The following NLGN1 variants were observed in gnomAD, a reference collection of about 807,000 sequenced individuals.
NLGN1 encodes neuroligin-1.
Under a neutral mutation model 65.5 loss-of-function variants are expected in NLGN1, and 12 were observed. That is an observed-to-expected ratio of 0.18 (90% CI 0.12 to 0.30). NLGN1 has a LOEUF of 0.30. NLGN1 is among the 10% of genes least tolerant of loss of function. The pLI is 1.00. For synonymous variants in NLGN1, 350 were observed against 359.5 expected, an observed-to-expected ratio of 0.97 and a Z score of 0.30; for missense variants, 750 against 1,007.1, an observed-to-expected ratio of 0.74 and a Z score of 3.46.
intron 3 of NLGN1, among the ~76,000 whole-genome samples, chr3:173,642,040 T>C (rs1255788694): frequency 6.7e-6 from 1 of 150,192 alleles, no homozygotes; most frequent in Non-Finnish European, 1.5e-5. Context: ...CTCTCTCTCT[T>C]TCTCCATATA....
At chr3:173,420,945 A>G (rs1714924486) in intron 1 of NLGN1, among the ~76,000 whole-genome samples, 1 of 152,042 alleles carries the variant, frequency 6.6e-6, no homozygotes, top group Admixed American at 6.6e-5. Flanking sequence ...TTTATTGTAT[A>G]TTTCTAATAC....
intron 4 of NLGN1, among the ~76,000 whole-genome samples, chr3:174,266,553 T>C (rs1476986176): frequency 2.0e-5 from 3 of 152,216 alleles, no homozygotes; most frequent in African/African-American, 7.2e-5. Flanking sequence ...AAACTATTTA[T>C]ATTCCTTTGA....
chr3:174,196,349 A>G (rs934208193), intron 4 of NLGN1, among the ~76,000 whole-genome samples: 12 of 152,240 alleles, frequency 7.9e-5, no homozygotes, highest in Admixed American at 2.0e-4. Context: ...CTGAAGATCA[A>G]ATTTCCCAAG....
chr3:173,918,464 A>G (rs7430256), intron 4 of NLGN1, among the ~76,000 whole-genome samples: 38,203 of 151,546 alleles, frequency 0.25, 5,031 homozygotes, highest in East Asian at 0.34. Context: ...GTGAAACTCT[A>G]TCTACTAAAA....
At chr3:173,964,458 G>A (rs1364204196) in intron 4 of NLGN1, among the ~76,000 whole-genome samples, 2 of 152,160 alleles carry the variant, frequency 1.3e-5, no homozygotes, top group Non-Finnish European at 2.9e-5. Context: ...GGCAAGACCG[G>A]GATTTTGTTC....
At position 174,265,880 on chromosome 3, in the gene NLGN1, A is replaced by G. The variant is rs371188098; in HGVS notation, c.647-9435A>G. Among the ~76,000 whole-genome samples, 29 of 144,400 alleles carry G rather than the reference A, an allele frequency of 2.0e-4. No homozygotes were observed. The East Asian group carries it at 4.9e-3, about 25-fold the overall frequency. The allele number at this position is 144,400 out of a possible 152,430, so 94.7% of individuals were successfully genotyped here. A position where few individuals can be genotyped will look rare whatever the true frequency, so the allele number is the denominator to read the frequency against. On this transcript the variant is annotated intron_variant, in intron 4 of 6. Coordinates refer to ENST00000457714, the Ensembl canonical transcript of NLGN1. Reference sequence around the variant, plus strand: ...GGTAAAGAGTATTTTGTTATAATATATATATACGTATATATGTATATATGT... The same window carrying G: ...GGTAAAGAGTATTTTGTTATAATATGTATATACGTATATATGTATATATGT...
upstream of NLGN1, among the ~76,000 whole-genome samples, chr3:173,397,411 A>T (rs1037437135): frequency 2.6e-5 from 4 of 151,250 alleles, no homozygotes; most frequent in African/African-American, 9.7e-5. Flanking sequence ...GAGATGTGGG[A>T]ACTTCCCCTC....
At chr3:173,614,355 T>C (rs896375308) in intron 3 of NLGN1, among the ~76,000 whole-genome samples, 3 of 152,038 alleles carry the variant, frequency 2.0e-5, no homozygotes, top group African/African-American at 7.2e-5. Context: ...ATTAAAAATA[T>C]ATATGTGCTT....
rs116780300 is a variant in NLGN1, at chr3:174,189,821, C to T, written c.647-85494C>T. The stretch of plus-strand genomic sequence containing the variant: ...CTGTTTGGCCAGGATAAAACAGCAA[C>T]AGTATAAAAATTGATGTTGCAAAAC... On this transcript the variant is annotated intron_variant, in intron 4 of 6. Transcript: ENST00000457714. Among the ~76,000 whole-genome samples the T allele has an allele frequency of 7.0e-3, 1,068 of 151,986 alleles. 11 individuals are homozygous for T. The highest frequency in any genetic ancestry group is 0.023 in the African/African-American group (950 of 41,490).
At chr3:174,001,102 G>C (rs1251101316) in intron 4 of NLGN1, among the ~76,000 whole-genome samples, 4 of 152,124 alleles carry the variant, frequency 2.6e-5, no homozygotes, top group African/African-American at 9.7e-5. Flanking sequence ...ATCAGCAAAA[G>C]ACTTTTGAAA....
intron 4 of NLGN1, among the ~76,000 whole-genome samples, chr3:174,147,353 T>C (rs2152698282): frequency 6.6e-6 from 1 of 151,096 alleles, no homozygotes; most frequent in East Asian, 2.0e-4. Flanking sequence ...GTAGGTCCAT[T>C]GTTGCCAGTG....
In NLGN1 at chr3:173,571,200, C is replaced by T. The variant is rs371972571; in HGVS notation, c.-320-33079C>T. 1.1e-4 allele frequency among the ~76,000 whole-genome samples: 17 copies of T among 152,248 alleles called. 1 individual carries two copies. Among genetic ancestry groups the T allele is most frequent in the Admixed American group, 2.0e-4 (3 of 15,290 alleles). On this transcript the variant is annotated intron_variant, in intron 2 of 6. Transcript: ENST00000457714. ...AGACCTCTGTGTGGCCATAGGGAGC[C>T]AATTTTTCTTAGCTGATTGTTTTAA...
chr3:173,877,458 T>C (rs1342581735), intron 4 of NLGN1, among the ~76,000 whole-genome samples: 1 of 151,204 alleles, frequency 6.6e-6, no homozygotes, highest in Non-Finnish European at 1.5e-5. Context: ...AAATGCAGGG[T>C]CCCAGATTAA....
intron 3 of NLGN1, among the ~76,000 whole-genome samples, chr3:173,632,239 C>T (rs900664388): frequency 1.3e-5 from 2 of 152,156 alleles, no homozygotes; most frequent in African/African-American, 2.4e-5. Context: ...GTATGCTGTA[C>T]ATATCACTTT....
rs535513955 is a variant in NLGN1, at chr3:174,028,480, G to T, written c.646+220648G>T. Among the ~76,000 whole-genome samples, 29 of 152,328 alleles carry T rather than the reference G, an allele frequency of 1.9e-4. No individual in the cohort carries two copies. In the South Asian group the frequency reaches 5.8e-3, roughly 30 times the overall value. ...TGGCATTTTGCCCCTGCCCTAGAGA[G>T]TTGTGGAACTTTGAACTTGAGAAAG... On this transcript the variant is annotated intron_variant, in intron 4 of 6. Transcript: ENST00000457714.
At position 173,835,850 on chromosome 3, in the gene NLGN1, A is replaced by G. The variant is rs369544965; in HGVS notation, c.646+28018A>G. Among the ~76,000 whole-genome samples the G allele has an allele frequency of 7.9e-5, 12 of 152,284 alleles. No homozygotes were observed. The East Asian group carries it at 2.1e-3, about 27-fold the overall frequency. ...TTTAGAACAATCAGAATAGACATAA[A>G]TCAATAGATAAGGGAATTTGAAAAA... On this transcript the variant is annotated intron_variant, in intron 4 of 6. Transcript: ENST00000457714.
rs570585779 is a variant in NLGN1, at chr3:174,057,430, G to A, written c.647-217885G>A. ...GCAGTATGACCTTAGGTCTGGGGGT[G>A]ACTAGACAGAAAGGTGAAAGCATAA... On this transcript the variant is annotated intron_variant, in intron 4 of 6. Coordinates refer to ENST00000457714, the Ensembl canonical transcript of NLGN1. Among the ~76,000 whole-genome samples, 29 of 152,136 alleles carry A rather than the reference G, an allele frequency of 1.9e-4. No homozygotes were observed. In the South Asian group the frequency reaches 5.8e-3, roughly 30 times the overall value.
intron 2 of NLGN1, among the ~76,000 whole-genome samples, chr3:173,555,043 T>A (rs940548338): frequency 6.6e-6 from 1 of 152,182 alleles, no homozygotes. Context: ...TAATTGACCA[T>A]GTATATGTCT....
intron 3 of NLGN1, among the ~76,000 whole-genome samples, chr3:173,662,018 G>A (rs999619342): frequency 6.6e-6 from 1 of 151,968 alleles, no homozygotes; most frequent in Non-Finnish European, 1.5e-5. Flanking sequence ...AATGACAAGA[G>A]TCACGCAACT....
Sources: allele counts gnomAD v4.1 joint callset (sites outside exome capture counted in the v4.1 genomes callset), GRCh38; gene constraint gnomAD v4.1.1; transcripts MANE v1.5; gene names NCBI Gene and HGNC (gene_info 2026-07-23, HGNC 2026-07-21).